SIK2: variants seen among roughly 807,000 people sequenced by gnomAD.
The protein encoded by SIK2 is salt inducible kinase 2.
In SIK2, 29 loss-of-function variants were observed where a neutral mutation model predicts 103.2. The observed-to-expected ratio is 0.28, with a 90% confidence interval of 0.21 to 0.38. The LOEUF (loss-of-function observed/expected upper bound fraction) is 0.38. Among genes scored for constraint, SIK2 ranks in the 10% least tolerant of loss-of-function variants. SIK2 has a pLI of 1.00. For missense variants in SIK2, 879 were observed against 1,171.0 expected (o/e 0.75, Z 3.64); for synonymous variants, 412 against 446.1 (o/e 0.92, Z 0.96).
rs181160910 is a variant in SIK2 at position 111,727,744 on chromosome 11, T to A, written c.*3615T>A. ...TATTCTCAGCTCCAGAGTGATTAGG[T>A]GATCAGCCAGAAACTAAGGCAAGGT... On this transcript the variant is annotated 3_prime_UTR_variant, in exon 15 of 15. Transcript: ENST00000304987. 5.3e-5 allele frequency: 8 copies of A among 152,334 alleles called. No individual in the cohort carries two copies. Among genetic ancestry groups the A allele is most frequent in the African/African-American group, 1.9e-4 (8 of 41,526 alleles). The allele number at this position is 152,334 out of a possible 1,614,324, so 9.4% of individuals were successfully genotyped here. A position where few individuals can be genotyped will look rare whatever the true frequency, so the allele number is the denominator to read the frequency against.
At position 111,728,149 on chromosome 11, in the gene SIK2, C is replaced by T. The variant is rs1350268895; in HGVS notation, c.*4020C>T. 6.6e-6 allele frequency: 1 copy of T among 152,126 alleles called. No homozygotes were observed. 9.4% of individuals were successfully genotyped at this position (152,126 alleles called of 1,614,324 possible). The stretch of plus-strand genomic sequence containing the variant: ...TCCTAAACTGGGCTGCCTCTAACTG[C>T]CTCCTGGGAAGCCACCCGAGCCACT... On this transcript the variant is annotated 3_prime_UTR_variant, in exon 15 of 15. Coordinates refer to ENST00000304987, the MANE Select transcript of SIK2 (RefSeq NM_015191.3).
chr11:111,643,824 C>T (rs990506361), intron 3 of SIK2, among the ~76,000 whole-genome samples: 11 of 150,750 alleles, frequency 7.3e-5, no homozygotes, highest in Non-Finnish European at 1.5e-5. Flanking sequence ...GTTCATTGGG[C>T]GTTTTAGAAT....
rs749241959 is a variant in SIK2, at chr11:111,719,895, G to A, written c.1387G>A (p.Glu463Lys). The change falls in exon 10 of 15, where the codon GAG becomes AAG. Residue 463 changes from glutamate (E) to lysine (K), a missense_variant. Glu to Lys is a moderately conservative substitution (Grantham distance 56). This residue lies in a region of SIK2 where 222 missense variants were observed against 258.0 expected (regional missense o/e 0.86). Coordinates refer to ENST00000304987, the MANE Select transcript of SIK2 (RefSeq NM_015191.3). ...DEGLETEGEA[E>K]EDPAHAFEAF... is the part of the protein sequence containing the mutation. Reference sequence around the variant, plus strand: ...AGGGCTGGAGACAGAAGGAGAGGCCGAGGAAGACCCCGCTCATGCCTTTGA... The same window carrying A: ...AGGGCTGGAGACAGAAGGAGAGGCCAAGGAAGACCCCGCTCATGCCTTTGA... The A allele has an allele frequency of 5.6e-6, 9 of 1,614,160 alleles. No individual in the cohort carries two copies. The highest frequency in any genetic ancestry group is 2.2e-5 in the East Asian group (1 of 44,874).
At chr11:111,609,669 GC>G (rs1941693971) in intron 1 of SIK2, among the ~76,000 whole-genome samples, 1 of 152,146 alleles carries the variant, frequency 6.6e-6, no homozygotes, top group Non-Finnish European at 1.5e-5. Flanking sequence ...AATTTTAAAA[GC>G]CAAATTTACA....
chr11:111,676,543 C>T (rs1398045084), intron 3 of SIK2, among the ~76,000 whole-genome samples: 2 of 152,174 alleles, frequency 1.3e-5, no homozygotes, highest in Non-Finnish European at 2.9e-5. Context: ...AATGAACCAT[C>T]CAGCTTGGCT....
intron 3 of SIK2, among the ~76,000 whole-genome samples, chr11:111,682,874 T>G (rs1202572301): frequency 6.6e-6 from 1 of 152,198 alleles, no homozygotes; most frequent in East Asian, 1.9e-4. Flanking sequence ...CTGTCAATAT[T>G]GAGTTTAAAT....
chr11:111,658,233 C>G (rs765440898), intron 3 of SIK2, among the ~76,000 whole-genome samples: 1 of 151,892 alleles, frequency 6.6e-6, no homozygotes, highest in Non-Finnish European at 1.5e-5. Flanking sequence ...TCAAGTGATT[C>G]TTCTGCCTCA....
chr11:111,704,912 T>TG, intron 7 of SIK2, 75 bp from the exon 8 acceptor site: 1 of 1,470,226 alleles, frequency 6.8e-7, no homozygotes, highest in Non-Finnish European at 9.0e-7. Flanking sequence ...TCTTTCCTCT[T>TG]TTTTTTTAGG....
chr11:111,690,801 A>G (rs1157356948), intron 4 of SIK2, among the ~76,000 whole-genome samples: 1 of 151,984 alleles, frequency 6.6e-6, no homozygotes, highest in Non-Finnish European at 1.5e-5. Flanking sequence ...TTCTTTTTTT[A>G]TGTCTGCGTA....
At chr11:111,709,708 C>G (rs1371474322) in intron 8 of SIK2, among the ~76,000 whole-genome samples, 6 of 152,204 alleles carry the variant, frequency 3.9e-5, no homozygotes, top group Non-Finnish European at 8.8e-5. Context: ...TCCAAAAAGA[C>G]TCCTTTGGTC....
In SIK2 at chr11:111,722,385, A is replaced by C. The variant is rs1381343468; in HGVS notation, c.2056-280A>C. Among the ~76,000 whole-genome samples the C allele has an allele frequency of 2.0e-5, 3 of 152,244 alleles. No individual in the cohort carries two copies. Among genetic ancestry groups the C allele is most frequent in the Non-Finnish European group, 4.4e-5 (3 of 68,046 alleles). ...GCTGGGGCCTTTGCTCTCAAGATCTAACTCCACCTTTCTCATTGCTTTTTA... is the reference window on the plus strand; with the variant it reads ...GCTGGGGCCTTTGCTCTCAAGATCTCACTCCACCTTTCTCATTGCTTTTTA... On this transcript the variant is annotated intron_variant, in intron 13 of 14. Coordinates refer to ENST00000304987, the MANE Select transcript of SIK2 (RefSeq NM_015191.3). This position sits in a 1 kb window ranked among gnomAD's most constrained non-coding sequence, Gnocchi z 4.4.
At chr11:111,645,542 C>T in intron 3 of SIK2, among the ~76,000 whole-genome samples, 1 of 152,092 alleles carries the variant, frequency 6.6e-6, no homozygotes, top group South Asian at 2.1e-4. Flanking sequence ...AAAAACAGGC[C>T]AGGCACAGTG....
chr11:111,684,954 T>C (rs575038446), intron 3 of SIK2, among the ~76,000 whole-genome samples: 1 of 152,338 alleles, frequency 6.6e-6, no homozygotes, highest in East Asian at 1.9e-4. Context: ...ATATGGCTAA[T>C]AGCTAAGTAC....
At chr11:111,607,777 A>G (rs1012671936) in intron 1 of SIK2, among the ~76,000 whole-genome samples, 2 of 152,206 alleles carry the variant, frequency 1.3e-5, no homozygotes, top group Non-Finnish European at 2.9e-5. Flanking sequence ...GTTCAAAATG[A>G]TCTGCTCTTT....
At chr11:111,714,732 G>A (rs1943591553) in intron 9 of SIK2, among the ~76,000 whole-genome samples, 1 of 152,168 alleles carries the variant, frequency 6.6e-6, no homozygotes, top group African/African-American at 2.4e-5. Context: ...GCCAAGCGTA[G>A]CCCACAACAG....
At chr11:111,696,189 T>C (rs1943066850) in intron 4 of SIK2, among the ~76,000 whole-genome samples, 3 of 152,114 alleles carry the variant, frequency 2.0e-5, no homozygotes, top group African/African-American at 7.2e-5. Context: ...TGAATACAAA[T>C]TGGAGAAGAC....
At chr11:111,642,852 C>G (rs117075426) in intron 3 of SIK2, among the ~76,000 whole-genome samples, 2,700 of 152,266 alleles carry the variant, frequency 0.018, 66 homozygotes, top group Admixed American at 0.068. Context: ...AAAAGATATT[C>G]CTGTCACTTA....
At chr11:111,700,106 G>A (rs1943178493) in intron 4 of SIK2, among the ~76,000 whole-genome samples, 1 of 152,200 alleles carries the variant, frequency 6.6e-6, no homozygotes, top group Non-Finnish European at 1.5e-5. Context: ...ACTTGCATTT[G>A]TAACAATACT....
intron 4 of SIK2, among the ~76,000 whole-genome samples, chr11:111,693,331 CAAA>C (rs1306377241): frequency 1.1e-5 from 1 of 93,628 alleles, no homozygotes. Context: ...GACTCCGTCT[CAAA>C]AAAAAAAAAA....
Sources: gnomAD v4.1 joint callset for allele counts (sites outside exome capture counted in the v4.1 genomes callset) on GRCh38, gnomAD v4.1.1 for gene constraint, gnomAD v4.1.1 regional missense constraint, Gnocchi (gnomAD v3.1) non-coding constraint, MANE v1.5 for transcripts, NCBI Gene and HGNC (gene_info 2026-07-23, HGNC 2026-07-21) for gene names.